EXOC4: variants seen among roughly 807,000 people sequenced by gnomAD.
The protein encoded by EXOC4 is exocyst complex component 4, also known as SEC8-like 1.
Under a neutral mutation model 107.2 loss-of-function variants are expected in EXOC4, and 71 were observed. The ratio of observed to expected loss-of-function variants is 0.66; its 90% confidence interval spans 0.55 to 0.81. EXOC4 has a LOEUF of 0.81. Among genes scored for constraint, EXOC4 ranks in the 30% least tolerant of loss-of-function variants. The pLI is 0.00. For synonymous variants in EXOC4, 456 were observed against 441.2 expected, an observed-to-expected ratio of 1.03 and a Z score of -0.42; for missense variants, 1,108 against 1,189.6, an observed-to-expected ratio of 0.93 and a Z score of 1.01.
chr7:133,700,651 C>T (rs935625397), intron 10 of EXOC4, among the ~76,000 whole-genome samples: 1 of 152,078 alleles, frequency 6.6e-6, no homozygotes, highest in Non-Finnish European at 1.5e-5. Context: ...TCAGATCATA[C>T]TATAATAAAT....
At chr7:133,669,004 ATTTT>A (rs58354607) in intron 10 of EXOC4, among the ~76,000 whole-genome samples, 4 of 118,450 alleles carry the variant, frequency 3.4e-5, no homozygotes, top group Admixed American at 1.9e-4. Context: ...TGTTCTCCCA[ATTTT>A]TTTTTTTTTT....
intron 9 of EXOC4, among the ~76,000 whole-genome samples, chr7:133,572,674 A>G (rs918299054): frequency 3.9e-5 from 6 of 152,228 alleles, no homozygotes; most frequent in Admixed American, 1.3e-4. Flanking sequence ...ATGAAATGAT[A>G]AACTTTAGTG....
chr7:133,594,671 T>C (rs1022938678), intron 9 of EXOC4, among the ~76,000 whole-genome samples: 6 of 151,736 alleles, frequency 4.0e-5, no homozygotes, highest in Non-Finnish European at 8.8e-5. Flanking sequence ...TTTTTGTATT[T>C]TTAGTAGAGA....
intron 10 of EXOC4, among the ~76,000 whole-genome samples, chr7:133,642,549 T>G (rs1802883872): frequency 6.6e-6 from 1 of 152,216 alleles, no homozygotes; most frequent in East Asian, 1.9e-4. Context: ...TTTATAAATA[T>G]GTCTCAAATT....
chr7:134,050,270 A>C (rs1795754349), intron 17 of EXOC4, among the ~76,000 whole-genome samples: 2 of 152,206 alleles, frequency 1.3e-5, no homozygotes, highest in South Asian at 4.1e-4. Context: ...GTAACAAAAA[A>C]TATTATGTGC....
At chr7:133,584,573 A>AT (rs1801352623) in intron 9 of EXOC4, among the ~76,000 whole-genome samples, 1 of 42,828 alleles carries the variant, frequency 2.3e-5, no homozygotes, top group Admixed American at 3.3e-4. Context: ...TACGTATTTC[A>AT]GTTTTTTTTT....
intron 11 of EXOC4, among the ~76,000 whole-genome samples, chr7:133,855,829 T>C (rs966871358): frequency 1.3e-5 from 2 of 152,198 alleles, no homozygotes; most frequent in Non-Finnish European, 2.9e-5. Context: ...TCTACAGATG[T>C]AGACTGCATC....
At chr7:133,770,434 C>A (rs1328442384) in intron 10 of EXOC4, among the ~76,000 whole-genome samples, 1 of 151,914 alleles carries the variant, frequency 6.6e-6, no homozygotes. Flanking sequence ...ACAGTTGTTG[C>A]TGTAAACCAT....
At chr7:133,857,108 ATAT>A (rs1798394081) in intron 11 of EXOC4, among the ~76,000 whole-genome samples, 1 of 105,348 alleles carries the variant, frequency 9.5e-6, no homozygotes, top group African/African-American at 3.8e-5. Context: ...ATATATATAT[ATAT>A]GTGTATATAT....
At chr7:133,707,651 C>T (rs1794797444) in intron 10 of EXOC4, among the ~76,000 whole-genome samples, 1 of 151,748 alleles carries the variant, frequency 6.6e-6, no homozygotes. Flanking sequence ...AGCCTCACTC[C>T]ATCGCCCAGG....
At chr7:133,373,437 A>G (rs77598004) in intron 6 of EXOC4, among the ~76,000 whole-genome samples, 2,230 of 152,262 alleles carry the variant, frequency 0.015, 65 homozygotes, top group African/African-American at 0.05. Context: ...CATAAATTCT[A>G]TTGATTTTGT....
intron 3 of EXOC4, among the ~76,000 whole-genome samples, chr7:133,295,697 T>C (rs935222753): frequency 2.0e-5 from 3 of 152,154 alleles, no homozygotes; most frequent in African/African-American, 7.2e-5. Flanking sequence ...CATTAGCAAA[T>C]AGACTGATCT....
chr7:134,086,806 G>T, the EXOC4 span, among the ~76,000 whole-genome samples: 2 of 152,162 alleles, frequency 1.3e-5, no homozygotes, highest in Non-Finnish European at 2.9e-5. Flanking sequence ...AGGGGCTGCT[G>T]GTTACCCATT....
chr7:133,895,686 G>A lies in EXOC4; in HGVS notation c.1822G>A (p.Val608Met), dbSNP rs367665594. The A allele has an allele frequency of 3.7e-6, 6 of 1,614,054 alleles. No individual in the cohort carries two copies. The African/African-American group carries it at 5.3e-5, about 14-fold the overall frequency. Reference protein sequence around the residue: ...SAYSDQFLNMVCVKLQEYKDT... With the variant: ...SAYSDQFLNMMCVKLQEYKDT... ...ATATTCAGATCAATTCCTCAACATG[G>A]TGTGCGTGAAGCTCCAGGAGTACAA... The change falls in exon 12 of 18, where the codon GTG (valine) becomes ATG (methionine). Residue 608 changes from valine to methionine, a missense_variant. Physicochemically the swap from Val to Met is conservative, Grantham distance 21. Coordinates refer to ENST00000253861, the MANE Select transcript of EXOC4 (RefSeq NM_021807.4).
chr7:133,790,410 T>C (rs1796678277), intron 10 of EXOC4, among the ~76,000 whole-genome samples: 1 of 152,188 alleles, frequency 6.6e-6, no homozygotes, highest in Admixed American at 6.5e-5. Context: ...AAACAAATCA[T>C]GGAAAATCAT....
intron 17 of EXOC4, among the ~76,000 whole-genome samples, chr7:134,010,566 G>A (rs1317181864): frequency 1.3e-5 from 2 of 152,104 alleles, no homozygotes; most frequent in African/African-American, 4.8e-5. Flanking sequence ...TTGAAGCTAT[G>A]TAAAATACAT....
In EXOC4 at chr7:133,275,171, G is replaced by A. The variant is rs773793170; in HGVS notation, c.276G>A (p.Gln92=). Residue 92 remains glutamine, a splice_region_variant and synonymous_variant, in exon 2 of 18, where the codon CAG becomes CAA. Transcript: ENST00000253861. Reference sequence around the variant, plus strand: ...CTAACTCCCGAAATAAAATAAAGCAGGTATTCCTCCTTTCTGGTCTGATGG... The same window carrying A: ...CTAACTCCCGAAATAAAATAAAGCAAGTATTCCTCCTTTCTGGTCTGATGG... ...RITNSRNKIK[Q]VKENLLSCKM... 6.3e-7 allele frequency: 1 copy of A among 1,590,530 alleles called. No homozygotes were observed. The highest frequency in any genetic ancestry group is 8.6e-7 in the Non-Finnish European group (1 of 1,166,840).
intron 14 of EXOC4, among the ~76,000 whole-genome samples, chr7:133,945,720 C>T (rs761931072): frequency 1.3e-4 from 20 of 152,148 alleles, no homozygotes; most frequent in Admixed American, 2.6e-4. Flanking sequence ...CGCACAGTTG[C>T]GCAATATTCC....
At chr7:133,498,586 AAAAC>A (rs765151633) in intron 9 of EXOC4, among the ~76,000 whole-genome samples, 57 of 152,220 alleles carry the variant, frequency 3.7e-4, no homozygotes, top group African/African-American at 1.1e-3. Context: ...CTCCGTCTCA[AAAAC>A]AAACAAACAA....
Sources: allele counts gnomAD v4.1 joint callset (sites outside exome capture counted in the v4.1 genomes callset), GRCh38; gene constraint gnomAD v4.1.1; transcripts MANE v1.5; gene names NCBI Gene and HGNC (gene_info 2026-07-23, HGNC 2026-07-21).